GAD2: variants seen among roughly 807,000 people sequenced by gnomAD.
GAD2 encodes the protein 65 kDa glutamic acid decarboxylase.
A neutral mutation model predicts 80.1 loss-of-function variants in GAD2; 22 were observed. The ratio of observed to expected loss-of-function variants is 0.27; its 90% CI spans 0.20 to 0.39. The LOEUF (loss-of-function observed/expected upper bound fraction) is 0.39, where lower values mean the gene tolerates loss of function less well. Among genes scored for constraint, GAD2 ranks in the 10% least tolerant of loss-of-function variants. The pLI is 1.00. For synonymous variants in GAD2, 274 were observed against 256.9 expected (o/e 1.07, Z -0.64); for missense variants, 624 against 738.4 (o/e 0.85, Z 1.80).
At chr10:26,238,622 C>A (rs2132282399) in intron 7 of GAD2, among the ~76,000 whole-genome samples, 1 of 152,336 alleles carries the variant, frequency 6.6e-6, no homozygotes, top group Middle Eastern at 3.4e-3. Context: ...AAGATAGCAG[C>A]TTCACAGACG....
At chr10:26,251,750 G>A (rs56357758) in intron 8 of GAD2, among the ~76,000 whole-genome samples, 4 of 152,326 alleles carry the variant, frequency 2.6e-5, no homozygotes, top group Non-Finnish European at 5.9e-5. Flanking sequence ...TCTCCTAGCA[G>A]CATTGTATGA....
At chr10:26,276,893 A>G (rs11015024) in intron 11 of GAD2, among the ~76,000 whole-genome samples, 31,177 of 152,208 alleles carry the variant, frequency 0.2, 3,354 homozygotes, top group East Asian at 0.31. Flanking sequence ...AACCTCTGTC[A>G]TAGGCAAGCC....
intron 8 of GAD2, among the ~76,000 whole-genome samples, chr10:26,256,852 G>A (rs1564664381): frequency 6.6e-6 from 1 of 152,178 alleles, no homozygotes; most frequent in African/African-American, 2.4e-5. Flanking sequence ...CTTTGTGTCA[G>A]CATAAATACC....
intron 7 of GAD2, among the ~76,000 whole-genome samples, chr10:26,239,460 A>T (rs540317694): frequency 5.3e-5 from 8 of 152,326 alleles, no homozygotes; most frequent in Admixed American, 5.2e-4. Flanking sequence ...AGCCACACCA[A>T]CATTGGGATT....
In GAD2 at chr10:26,272,600, A is replaced by C. The variant is rs1845149159; in HGVS notation, c.1093-1036A>C. 3.3e-5 allele frequency among the ~76,000 whole-genome samples: 5 copies of C among 152,194 alleles called. No homozygotes were observed. In the South Asian group the frequency reaches 1.0e-3, roughly 32 times the overall value. ...AGAACTGGGCCAGGTGCAGTGTCTC[A>C]CGCCTGTAATCCCAGCACTTTGGGA... On this transcript the variant is annotated intron_variant, in intron 10 of 15. Transcript: ENST00000376261.
At chr10:26,228,318 C>A (rs1237144056) in intron 6 of GAD2, among the ~76,000 whole-genome samples, 1 of 152,236 alleles carries the variant, frequency 6.6e-6, no homozygotes, top group Non-Finnish European at 1.5e-5. Flanking sequence ...CGTGGAATCC[C>A]TGACAACTTT....
intron 8 of GAD2, among the ~76,000 whole-genome samples, chr10:26,260,774 C>G (rs564470406): frequency 7.5e-4 from 114 of 152,354 alleles, no homozygotes; most frequent in African/African-American, 2.6e-3. Flanking sequence ...TGCCTACCCA[C>G]TATGTCCTCA....
intron 8 of GAD2, among the ~76,000 whole-genome samples, chr10:26,267,256 C>CA (rs1845083623): frequency 6.6e-6 from 1 of 152,150 alleles, no homozygotes; most frequent in Non-Finnish European, 1.5e-5. Flanking sequence ...TGTTTACCTG[C>CA]AAAAATACTA....
chr10:26,275,163 C>T (rs1358889679), intron 11 of GAD2, among the ~76,000 whole-genome samples: 1 of 152,224 alleles, frequency 6.6e-6, no homozygotes, highest in Non-Finnish European at 1.5e-5. Context: ...GAGAGAACAA[C>T]TTGGAAGGTG....
chr10:26,236,991 G>A (rs76613164), intron 7 of GAD2, among the ~76,000 whole-genome samples: 4,526 of 152,304 alleles, frequency 0.03, 199 homozygotes, highest in African/African-American at 0.1. Context: ...TATTCCCATC[G>A]CACTCAGAGA....
At chr10:26,216,671 C>T, upstream of GAD2, 1 of 529,304 alleles carries the variant, frequency 1.9e-6, no homozygotes, top group Non-Finnish European at 3.2e-6. The surrounding 1 kb of genome is among the most constrained non-coding windows in gnomAD (Gnocchi z 4.7). Context: ...TGACACCCGC[C>T]CTCGCCGCTC....
intron 13 of GAD2, among the ~76,000 whole-genome samples, chr10:26,289,727 C>T (rs146637575): frequency 5.3e-5 from 8 of 151,726 alleles, no homozygotes; most frequent in East Asian, 3.9e-4. Context: ...CAGATTTCTA[C>T]GGTGGCTAAA....
chr10:26,235,189 G>A (rs1049027477), intron 7 of GAD2, among the ~76,000 whole-genome samples: 1 of 152,052 alleles, frequency 6.6e-6, no homozygotes, highest in African/African-American at 2.4e-5. Context: ...AGTTATTCTT[G>A]TGCTAATTTC....
chr10:26,260,942 T>C (rs1421200740), intron 8 of GAD2, among the ~76,000 whole-genome samples: 2 of 152,304 alleles, frequency 1.3e-5, no homozygotes, highest in East Asian at 3.9e-4. Context: ...ATGGGGTACA[T>C]GAGATGTTTT....
At chr10:26,239,918 G>A (rs915898208) in intron 7 of GAD2, among the ~76,000 whole-genome samples, 1 of 152,198 alleles carries the variant, frequency 6.6e-6, no homozygotes, top group Admixed American at 6.5e-5. Context: ...TGAGGTAGGG[G>A]AGGTTGCCAG....
At chr10:26,268,128 A>C (rs1845092907) in intron 8 of GAD2, among the ~76,000 whole-genome samples, 1 of 152,208 alleles carries the variant, frequency 6.6e-6, no homozygotes, top group Non-Finnish European at 1.5e-5. Flanking sequence ...ACCCTGATGC[A>C]AAGTTGGCTA....
At chr10:26,246,269 A>G (rs1844808556) in intron 8 of GAD2, among the ~76,000 whole-genome samples, 1 of 152,190 alleles carries the variant, frequency 6.6e-6, no homozygotes, top group Non-Finnish European at 1.5e-5. Context: ...GTGCAGAAAG[A>G]CTTTCATCAC....
rs1834325650 is a variant in GAD2, at chr10:26,301,095, TAAAC to T, written c.*138_*141del. 1 of 761,786 alleles carries T rather than the reference TAAAC, an allele frequency of 1.3e-6. No homozygotes were observed. Among genetic ancestry groups the T allele is most frequent in the Admixed American group, 2.8e-5 (1 of 35,520 alleles). The allele number at this position is 761,786 out of a possible 1,614,324, so 47.2% of individuals were successfully genotyped here. On this transcript the variant is annotated 3_prime_UTR_variant, in exon 16 of 16. Coordinates refer to ENST00000376261, the MANE Select transcript of GAD2 (RefSeq NM_001134366.2). ...TGGTGTCAAAGTAGAGTTTAAAAAT[TAAAC>T]AAAAAAGACATTGCTCCTTTTAAAA...
chr10:26,293,280 C>A lies in GAD2; in HGVS notation c.1584+289C>A, dbSNP rs1014947755. Among the ~76,000 whole-genome samples the A allele has an allele frequency of 2.7e-5, 4 of 146,964 alleles. No homozygotes were observed. In the Admixed American group the frequency reaches 2.8e-4, roughly 10 times the overall value. ...GCATCCTCCACCTCCCGGGTTCAAG[C>A]GATTCTCCTGCCTCAGCCTCCCGAG... On this transcript the variant is annotated intron_variant, in intron 15 of 15. Transcript: ENST00000376261.
Sources: gnomAD v4.1 joint callset for allele counts (sites outside exome capture counted in the v4.1 genomes callset) on GRCh38, gnomAD v4.1.1 for gene constraint, Gnocchi (gnomAD v3.1) non-coding constraint, MANE v1.5 for transcripts, NCBI Gene and HGNC (gene_info 2026-07-23, HGNC 2026-07-21) for gene names.